The following VPS37B variants were observed in gnomAD, a reference collection of about 807,000 sequenced individuals.
The protein encoded by VPS37B is VPS37B subunit of ESCRT-I, also known as vacuolar protein sorting-associated protein 37B.
A neutral mutation model predicts 21.2 loss-of-function variants in VPS37B; 11 were observed. The observed-to-expected ratio is 0.52, with a 90% CI of 0.33 to 0.86. The LOEUF is 0.86. VPS37B is among the 40% of genes least tolerant of loss of function. The pLI is 0.03. For synonymous variants in VPS37B, 175 were observed against 159.6 expected (o/e 1.10, Z -0.73); for missense variants, 389 against 374.8 (o/e 1.04, Z -0.31).
chr12:122,887,591 A>T (rs1386593494), intron 1 of VPS37B: 5 of 152,228 alleles, frequency 3.3e-5, no homozygotes, highest in Admixed American at 6.5e-5. Context: ...CTTATGAGTC[A>T]TTCATCTTCT....
chr12:122,873,208 T>C (rs1159341522), intron 1 of VPS37B: 1 of 152,060 alleles, frequency 6.6e-6, no homozygotes, highest in Non-Finnish European at 1.5e-5. Context: ...GTGCTGAGAG[T>C]GCGTTGAATT....
At chr12:122,888,682 A>G in intron 1 of VPS37B, 1 of 443,456 alleles carries the variant, frequency 2.3e-6, no homozygotes, top group South Asian at 1.6e-5. Context: ...TCTTCCAGCC[A>G]GTCTCTAACA....
chr12:122,890,840 AGTTT>A (rs2034401795), intron 1 of VPS37B, among the ~76,000 whole-genome samples: 1 of 152,122 alleles, frequency 6.6e-6, no homozygotes, highest in Non-Finnish European at 1.5e-5. Flanking sequence ...TTCTGTATTT[AGTTT>A]ATTCCCAAAT....
rs1359270905 is a variant in VPS37B at position 122,867,969 on chromosome 12, T to C, written c.367-362A>G. On this transcript the variant is annotated intron_variant, in intron 3 of 3. Coordinates refer to ENST00000267202, the MANE Select transcript of VPS37B (RefSeq NM_024667.3). This position sits in a 1 kb window ranked among gnomAD's most constrained non-coding sequence, Gnocchi z 5.5. ...TGCACCCTGACTGACAGACTCGCCC[T>C]GGGTGGGTAAGCAAGACAGAAACAC... Among the ~76,000 whole-genome samples the C allele has an allele frequency of 6.6e-6, 1 of 152,162 alleles. No homozygotes were observed. Among genetic ancestry groups the C allele is most frequent in the African/African-American group, 2.4e-5 (1 of 41,426 alleles).
chr12:122,869,191 A>G (rs1371828038), intron 2 of VPS37B, among the ~76,000 whole-genome samples: 1 of 152,260 alleles, frequency 6.6e-6, no homozygotes, highest in African/African-American at 2.4e-5. Context: ...CACTCTGTAG[A>G]CGGACATTTT....
intron 1 of VPS37B, among the ~76,000 whole-genome samples, chr12:122,893,042 AG>A (rs2034439268): frequency 6.8e-6 from 1 of 147,528 alleles, no homozygotes; most frequent in South Asian, 2.2e-4. Flanking sequence ...GCTGGGCAAC[AG>A]AGCAAGATCC....
At chr12:122,895,039 C>T (rs539175726) in intron 1 of VPS37B, among the ~76,000 whole-genome samples, 156 of 152,260 alleles carry the variant, frequency 1.0e-3, no homozygotes, top group Admixed American at 2.4e-3. Flanking sequence ...TGTCGCCACC[C>T]TTAGGCCCAT....
Position 122,868,677 on chromosome 12 carries a change from T to C in VPS37B, c.284-115A>G. ...TTCCAGGAAGCTGAATGTGAAAGGC[T>C]TGAAAACCTACAGGGGAACAAGTGC... On this transcript the variant is annotated intron_variant, in intron 2 of 3. Coordinates refer to ENST00000267202, the MANE Select transcript of VPS37B (RefSeq NM_024667.3). This position sits in a 1 kb window ranked among gnomAD's most constrained non-coding sequence, Gnocchi z 5.5. 9 of 917,284 alleles carry C rather than the reference T, an allele frequency of 9.8e-6. No homozygotes were observed. The highest frequency in any genetic ancestry group is 8.8e-5 in the South Asian group (6 of 67,980). The allele number at this position is 917,284 out of a possible 1,614,324, so 56.8% of individuals were successfully genotyped here. A position where few individuals can be genotyped will look rare whatever the true frequency, so the allele number is the denominator to read the frequency against.
chr12:122,884,438 T>C (rs1382271814), intron 1 of VPS37B: 2 of 152,236 alleles, frequency 1.3e-5, no homozygotes, highest in African/African-American at 4.8e-5. Flanking sequence ...ACAGTTTTTG[T>C]AGAAATAACT....
At chr12:122,888,714 G>T in intron 1 of VPS37B, 1 of 368,084 alleles carries the variant, frequency 2.7e-6, no homozygotes, top group Non-Finnish European at 5.7e-6. Context: ...CATCCAACTT[G>T]TTTCTCTCGT....
intron 1 of VPS37B, chr12:122,872,263 G>C: frequency 1.0e-6 from 1 of 985,444 alleles, no homozygotes; most frequent in Non-Finnish European, 1.2e-6. Context: ...AACAAAGAAA[G>C]AAGCCCTTGG....
chr12:122,886,463 AT>A (rs2034331254), intron 1 of VPS37B: 1 of 152,178 alleles, frequency 6.6e-6, no homozygotes, highest in African/African-American at 2.4e-5. Context: ...TACACTAGAA[AT>A]CAAAAAAGTC....
intron 1 of VPS37B, chr12:122,871,890 T>C (rs1358782589): frequency 1.0e-6 from 1 of 985,274 alleles, no homozygotes; most frequent in African/African-American, 1.7e-5. Context: ...AGTTCCCTTT[T>C]CACTCACTGG....
At chr12:122,888,663 C>T (rs1322470482) in intron 1 of VPS37B, 1 of 451,422 alleles carries the variant, frequency 2.2e-6, no homozygotes, top group Non-Finnish European at 4.5e-6. Flanking sequence ...CAGTCTACTT[C>T]TGGGTTCCTC....
intron 1 of VPS37B, among the ~76,000 whole-genome samples, chr12:122,892,628 CA>C (rs1476115937): frequency 1.3e-5 from 2 of 152,146 alleles, no homozygotes; most frequent in Non-Finnish European, 2.9e-5. Context: ...ACAGAAAGAT[CA>C]ATGTTTGGCT....
At position 122,867,324 on chromosome 12, in the gene VPS37B, C is replaced by T. The variant is rs1361232423; in HGVS notation, c.650G>A (p.Gly217Glu). The T allele has an allele frequency of 1.3e-6, 2 of 1,590,244 alleles. No individual in the cohort carries two copies. Among genetic ancestry groups the T allele is most frequent in the Non-Finnish European group, 1.7e-6 (2 of 1,169,724 alleles). Reference sequence around the variant, plus strand: ...CGCAGTAAACGGGGTGGCTAAGCGTCCCGCAGGCACCGGGGGTGGTGGGGG... The same window carrying T: ...CGCAGTAAACGGGGTGGCTAAGCGTTCCGCAGGCACCGGGGGTGGTGGGGG... ...IPPPPPPVPA[G>E]RLATPFTAAM... Residue 217 changes from glycine (G) to glutamate (E), a missense_variant, in exon 4 of 4, where the codon GGA becomes GAA. Coordinates refer to ENST00000267202, the MANE Select transcript of VPS37B (RefSeq NM_024667.3). The surrounding 1 kb of genome is among the most constrained non-coding windows in gnomAD (Gnocchi z 5.5).
At chr12:122,888,704 C>A in intron 1 of VPS37B, 1 of 391,174 alleles carries the variant, frequency 2.6e-6, no homozygotes, top group South Asian at 1.8e-5. Flanking sequence ...GATGTTAGGT[C>A]ATCCAACTTG....
chr12:122,868,687 A>T lies in VPS37B; in HGVS notation c.284-125T>A. 1 of 828,924 alleles carries T rather than the reference A, an allele frequency of 1.2e-6. No individual in the cohort carries two copies. The highest frequency in any genetic ancestry group is 1.9e-6 in the Non-Finnish European group (1 of 517,012). The allele number at this position is 828,924 out of a possible 1,614,324, so 51.3% of individuals were successfully genotyped here. The stretch of plus-strand genomic sequence containing the variant: ...CTGAATGTGAAAGGCTTGAAAACCT[A>T]CAGGGGAACAAGTGCACCAAGCCAG... On this transcript the variant is annotated intron_variant, in intron 2 of 3. Coordinates refer to ENST00000267202, the MANE Select transcript of VPS37B (RefSeq NM_024667.3). This position sits in a 1 kb window ranked among gnomAD's most constrained non-coding sequence, Gnocchi z 5.5.
At chr12:122,872,198 C>T in intron 1 of VPS37B, 1 of 985,532 alleles carries the variant, frequency 1.0e-6, no homozygotes, top group Non-Finnish European at 1.2e-6. Flanking sequence ...TCCTGGTGCG[C>T]TCACACGAGT....
Sources: allele counts gnomAD v4.1 joint callset (sites outside exome capture counted in the v4.1 genomes callset), GRCh38; gene constraint gnomAD v4.1.1; non-coding constraint Gnocchi (gnomAD v3.1); transcripts MANE v1.5; gene names NCBI Gene and HGNC (gene_info 2026-07-23, HGNC 2026-07-21).